The following B3GALT1 variants were observed in gnomAD, a reference collection of about 807,000 sequenced individuals.
B3GALT1 encodes beta-1,3-galactosyltransferase 1, also known as UDP-Gal:betaGlcNAc beta 1,3-galactosyltransferase, polypeptide 1.
In B3GALT1, 10 loss-of-function variants were observed where a neutral mutation model predicts 23.2. That is an observed-to-expected ratio of 0.43 (90% CI 0.27 to 0.73). B3GALT1 has a LOEUF of 0.73. Ranked by LOEUF, B3GALT1 falls within the 30% of genes least tolerant of loss-of-function variation. The pLI is 0.21. For synonymous variants in B3GALT1, 156 were observed against 141.5 expected (o/e 1.10, Z -0.73); for missense variants, 299 against 405.4 (o/e 0.74, Z 2.25).
chr2:167,437,956 T>C (rs891812336), intron 1 of B3GALT1, among the ~76,000 whole-genome samples: 11 of 152,182 alleles, frequency 7.2e-5, no homozygotes, highest in African/African-American at 2.4e-4. Flanking sequence ...TGCCAATTCA[T>C]TGTGTAACAA....
At chr2:167,483,261 C>G (rs1399385086) in intron 1 of B3GALT1, among the ~76,000 whole-genome samples, 1 of 152,112 alleles carries the variant, frequency 6.6e-6, no homozygotes, top group Non-Finnish European at 1.5e-5. Context: ...CCATTGCACT[C>G]CAGCCTGGGC....
chr2:167,694,738 C>T (rs1686767365), intron 3 of B3GALT1, among the ~76,000 whole-genome samples: 1 of 145,188 alleles, frequency 6.9e-6, no homozygotes, highest in East Asian at 1.9e-4. Flanking sequence ...AGCAGGTGGC[C>T]AGATTCAAGG....
At chr2:167,424,818 C>T (rs1698600908) in intron 1 of B3GALT1, among the ~76,000 whole-genome samples, 2 of 152,294 alleles carry the variant, frequency 1.3e-5, no homozygotes, top group East Asian at 3.9e-4. Flanking sequence ...ATATACTACA[C>T]CTGATTTCCA....
chr2:167,404,281 G>T (rs567165363), intron 1 of B3GALT1, among the ~76,000 whole-genome samples: 3 of 152,034 alleles, frequency 2.0e-5, no homozygotes, highest in Non-Finnish European at 4.4e-5. Flanking sequence ...TGAAGGATCC[G>T]CCTCCATAAC....
chr2:167,554,402 A>G (rs1010831472), intron 2 of B3GALT1, among the ~76,000 whole-genome samples: 8 of 152,204 alleles, frequency 5.3e-5, no homozygotes, highest in African/African-American at 1.9e-4. Context: ...CACCTCACTC[A>G]GTAAGTAATG....
intron 3 of B3GALT1, among the ~76,000 whole-genome samples, chr2:167,790,334 T>C (rs998966651): frequency 1.1e-4 from 16 of 152,286 alleles, no homozygotes; most frequent in African/African-American, 3.6e-4. Context: ...GAATTCAGGG[T>C]GGGCTTTGGT....
At chr2:167,780,621 TGCTATATTTTGGA>T (rs1574259120) in intron 3 of B3GALT1, among the ~76,000 whole-genome samples, 4 of 152,314 alleles carry the variant, frequency 2.6e-5, no homozygotes, top group Admixed American at 6.5e-5. Flanking sequence ...TTGACTGGAT[TGCTATATTTTGGA>T]TGCATCATTG....
chr2:167,506,932 T>A (rs1332847496), intron 2 of B3GALT1, among the ~76,000 whole-genome samples: 1 of 151,962 alleles, frequency 6.6e-6, no homozygotes, highest in East Asian at 1.9e-4. Context: ...CCCTAAAAGA[T>A]TAGGTGGGAC....
chr2:167,675,205 A>G (rs1289506443), intron 3 of B3GALT1, among the ~76,000 whole-genome samples: 1 of 152,188 alleles, frequency 6.6e-6, no homozygotes, highest in Non-Finnish European at 1.5e-5. Context: ...GTTAAAATCA[A>G]ATCAAGAAAT....
rs570026123 is a variant in B3GALT1, at chr2:167,786,937, T to G, written c.-351-31735T>G. Reference sequence around the variant, plus strand: ...AGTGGTGTGTTTTTGTTTGTTTGTTTGTTGGTTTGGTTTGGTTTTTTAACC... The same window carrying G: ...AGTGGTGTGTTTTTGTTTGTTTGTTGGTTGGTTTGGTTTGGTTTTTTAACC... On this transcript the variant is annotated intron_variant, in intron 3 of 4. Transcript: ENST00000392690. Among the ~76,000 whole-genome samples the G allele has an allele frequency of 3.4e-3, 512 of 152,244 alleles. 3 individuals carry two copies. The highest frequency in any genetic ancestry group is 7.5e-3 in the African/African-American group (313 of 41,540).
At chr2:167,518,642 C>T (rs1700137815) in intron 2 of B3GALT1, among the ~76,000 whole-genome samples, 1 of 152,152 alleles carries the variant, frequency 6.6e-6, no homozygotes, top group Admixed American at 6.6e-5. Context: ...AGATGGGCGT[C>T]TATTCAGATG....
chr2:167,611,955 G>A (rs747090920), intron 2 of B3GALT1, among the ~76,000 whole-genome samples: 1 of 151,948 alleles, frequency 6.6e-6, no homozygotes, highest in Non-Finnish European at 1.5e-5. Context: ...ATATCTAACA[G>A]ATTGTTTAAT....
At chr2:167,295,976 C>T (rs1048682986) in intron 1 of B3GALT1, among the ~76,000 whole-genome samples, 5 of 152,138 alleles carry the variant, frequency 3.3e-5, no homozygotes, top group African/African-American at 1.2e-4. Flanking sequence ...TGGGCACAGG[C>T]TTTAGGGAGC....
At chr2:167,788,003 A>G (rs1688371446) in intron 3 of B3GALT1, among the ~76,000 whole-genome samples, 1 of 152,194 alleles carries the variant, frequency 6.6e-6, no homozygotes, top group African/African-American at 2.4e-5. Context: ...TTGCTGTCTT[A>G]CTTGAATGCC....
chr2:167,843,097 T>C (rs1353838267), intron 4 of B3GALT1, among the ~76,000 whole-genome samples: 1 of 152,168 alleles, frequency 6.6e-6, no homozygotes, highest in Non-Finnish European at 1.5e-5. Context: ...CAATACTGCC[T>C]CCTGGAATAA....
chr2:167,440,525 T>G (rs1698864445), intron 1 of B3GALT1, among the ~76,000 whole-genome samples: 1 of 152,076 alleles, frequency 6.6e-6, no homozygotes, highest in Non-Finnish European at 1.5e-5. Context: ...TTTTGTAAAA[T>G]TATTTCATGT....
chr2:167,314,966 C>T (rs941210590), intron 1 of B3GALT1, among the ~76,000 whole-genome samples: 3 of 152,004 alleles, frequency 2.0e-5, no homozygotes, highest in African/African-American at 7.3e-5. Context: ...CTCAATGTGT[C>T]CATTAGATTA....
At chr2:167,676,516 TACACACACACACACACACAC>T (rs34764364) in intron 3 of B3GALT1, among the ~76,000 whole-genome samples, 4 of 145,186 alleles carry the variant, frequency 2.8e-5, no homozygotes, top group South Asian at 4.5e-4. Flanking sequence ...TGTATGTTTA[TACACACACACACACACACAC>T]ACACACACAC....
intron 3 of B3GALT1, among the ~76,000 whole-genome samples, chr2:167,703,198 T>C (rs897871069): frequency 6.6e-6 from 1 of 152,232 alleles, no homozygotes; most frequent in Non-Finnish European, 1.5e-5. Flanking sequence ...ATCCACACTT[T>C]GCAGGAGGAA....
Sources: gnomAD v4.1 joint callset for allele counts (sites outside exome capture counted in the v4.1 genomes callset) on GRCh38, gnomAD v4.1.1 for gene constraint, MANE v1.5 for transcripts, NCBI Gene and HGNC (gene_info 2026-07-23, HGNC 2026-07-21) for gene names.